ARB2A: variants seen among roughly 807,000 people sequenced by gnomAD.
ARB2A encodes the protein ARB2 cotranscriptional regulator A, also known as cotranscriptional regulator ARB2A.
the ARB2A span, among the ~76,000 whole-genome samples, chr5:93,864,287 C>A: frequency 6.6e-6 from 1 of 152,056 alleles, no homozygotes; most frequent in Non-Finnish European, 1.5e-5. Flanking sequence ...GAATATACCA[C>A]AATGAATATA....
the ARB2A span, among the ~76,000 whole-genome samples, chr5:93,987,325 A>C: frequency 6.6e-6 from 1 of 152,196 alleles, no homozygotes; most frequent in African/African-American, 2.4e-5. Context: ...TTAATAATTA[A>C]AGTTTAATAT....
At chr5:93,947,908 G>A in the ARB2A span, among the ~76,000 whole-genome samples, 1 of 151,768 alleles carries the variant, frequency 6.6e-6, no homozygotes, top group Non-Finnish European at 1.5e-5. Context: ...TCTTAATCCA[G>A]TCTATCATTG....
the ARB2A span, among the ~76,000 whole-genome samples, chr5:94,064,077 CA>C: frequency 1.3e-5 from 2 of 151,364 alleles, no homozygotes; most frequent in Non-Finnish European, 1.5e-5. Context: ...CAAGGGAATA[CA>C]AAAAAGCAGT....
At chr5:93,624,833 G>GA in the ARB2A span, among the ~76,000 whole-genome samples, 3 of 152,082 alleles carry the variant, frequency 2.0e-5, no homozygotes, top group African/African-American at 7.2e-5. Context: ...TCATGTAGTT[G>GA]AAAACCTGTT....
the ARB2A span, among the ~76,000 whole-genome samples, chr5:94,067,763 C>T: frequency 5.2e-4 from 79 of 152,198 alleles, no homozygotes; most frequent in African/African-American, 1.8e-3. Flanking sequence ...ACAGATTCAA[C>T]GCAATCCCTT....
the ARB2A span, among the ~76,000 whole-genome samples, chr5:94,110,323 C>T: frequency 6.6e-6 from 1 of 152,196 alleles, no homozygotes; most frequent in African/African-American, 2.4e-5. Flanking sequence ...TGAACACTAT[C>T]CGGCACACTG....
At chr5:93,966,015 T>C in the ARB2A span, among the ~76,000 whole-genome samples, 1 of 152,064 alleles carries the variant, frequency 6.6e-6, no homozygotes, top group Non-Finnish European at 1.5e-5. Flanking sequence ...TATTCTTACA[T>C]TTCAACATAG....
the ARB2A span, among the ~76,000 whole-genome samples, chr5:93,854,531 A>G: frequency 2.0e-5 from 3 of 151,834 alleles, no homozygotes; most frequent in African/African-American, 7.3e-5. Flanking sequence ...TTTTCTAGTT[A>G]TTTTAATTGT....
At chr5:93,768,768 G>A in the ARB2A span, among the ~76,000 whole-genome samples, 3 of 151,900 alleles carry the variant, frequency 2.0e-5, no homozygotes, top group East Asian at 5.8e-4. Context: ...TTATTTAGTG[G>A]AGATGAGGTC....
At chr5:93,640,885 C>T in the ARB2A span, among the ~76,000 whole-genome samples, 1 of 151,872 alleles carries the variant, frequency 6.6e-6, no homozygotes, top group African/African-American at 2.4e-5. Context: ...TGTATACTGG[C>T]TCTAAGCAAC....
the ARB2A span, among the ~76,000 whole-genome samples, chr5:94,035,293 T>C: frequency 2.1e-5 from 3 of 145,370 alleles, no homozygotes; most frequent in Non-Finnish European, 4.6e-5. Context: ...GAGTCAGTAC[T>C]TCCAAGCCCT....
At chr5:93,868,304 G>C in the ARB2A span, among the ~76,000 whole-genome samples, 226 of 152,260 alleles carry the variant, frequency 1.5e-3, 1 homozygote, top group South Asian at 5.8e-3. Flanking sequence ...TGGGTGACAG[G>C]ATGGGACACT....
chr5:93,808,206 C>G, the ARB2A span, among the ~76,000 whole-genome samples: 22 of 152,010 alleles, frequency 1.4e-4, no homozygotes, highest in Admixed American at 1.4e-3. Flanking sequence ...TTTTTAATAG[C>G]TAGTTAAAAA....
chr5:93,766,854 C>T, the ARB2A span, among the ~76,000 whole-genome samples: 1 of 152,168 alleles, frequency 6.6e-6, no homozygotes, highest in Non-Finnish European at 1.5e-5. Flanking sequence ...GAATACCATG[C>T]AGCCATAAAA....
the ARB2A span, among the ~76,000 whole-genome samples, chr5:93,975,817 T>C: frequency 3.9e-5 from 6 of 152,042 alleles, no homozygotes; most frequent in Non-Finnish European, 5.9e-5. Flanking sequence ...CTGGAACAGA[T>C]TGATTCACAG....
chr5:93,673,686 A>C, the ARB2A span, among the ~76,000 whole-genome samples: 1 of 152,190 alleles, frequency 6.6e-6, no homozygotes, highest in African/African-American at 2.4e-5. Context: ...TCCAGGTGTT[A>C]GTTTAGGTTT....
the ARB2A span, among the ~76,000 whole-genome samples, chr5:93,638,107 T>C: frequency 6.6e-6 from 1 of 152,238 alleles, no homozygotes; most frequent in African/African-American, 2.4e-5. Context: ...TGGAAAGTCA[T>C]GCTTGGAACT....
the ARB2A span, among the ~76,000 whole-genome samples, chr5:93,945,530 G>T: frequency 1.3e-5 from 2 of 151,794 alleles, no homozygotes; most frequent in Admixed American, 6.6e-5. Context: ...TCTGCATAAT[G>T]ATTTTAAAAA....
At chr5:93,870,214 A>C in the ARB2A span, among the ~76,000 whole-genome samples, 1 of 152,128 alleles carries the variant, frequency 6.6e-6, no homozygotes, top group Non-Finnish European at 1.5e-5. Flanking sequence ...GTTTCACCAA[A>C]GGGAGGAGGG....
Sources: gnomAD v4.1 joint callset for allele counts (sites outside exome capture counted in the v4.1 genomes callset) on GRCh38, gnomAD v4.1.1 for gene constraint, MANE v1.5 for transcripts, NCBI Gene and HGNC (gene_info 2026-07-23, HGNC 2026-07-21) for gene names.